The following DNAAF5 variants were observed in gnomAD, a reference collection of about 807,000 sequenced individuals.
The protein encoded by DNAAF5 is dynein axonemal assembly factor 5.
Under a neutral mutation model 75.8 loss-of-function variants are expected in DNAAF5, and 64 were observed. That is an observed-to-expected ratio of 0.84 (90% confidence interval 0.69 to 1.04). The LOEUF (loss-of-function observed/expected upper bound fraction) is 1.04. Among genes scored for constraint, DNAAF5 ranks in the 50% least tolerant of loss-of-function variants. The probability of loss-of-function intolerance (pLI) is 0.00; values close to 1 mark genes in which losing one functional copy is unlikely to be tolerated. For synonymous variants in DNAAF5, 657 were observed against 557.2 expected (o/e 1.18, Z -2.52); for missense variants, 1,269 against 1,178.5 (o/e 1.08, Z -1.12).
chr7:754,826 G>A lies in DNAAF5; in HGVS notation c.1257+5G>A. ...GAGGCAGCCGTGGTCCAAAGTGTAA[G>A]TGGCCGTATTCCAGTCGTGGTCGCG... On this transcript the variant is annotated splice_donor_5th_base_variant and intron_variant, in intron 5 of 12. Transcript: ENST00000297440. The surrounding 1 kb of genome is among the most constrained non-coding windows in gnomAD (Gnocchi z 4.8). 6.3e-7 allele frequency: 1 copy of A among 1,595,854 alleles called. No homozygotes were observed. Among genetic ancestry groups the A allele is most frequent in the Non-Finnish European group, 8.6e-7 (1 of 1,167,684 alleles).
rs1171107598 is a variant in DNAAF5, at chr7:727,022, A to T, written c.302A>T (p.Asp101Val). Residue 101 changes from aspartate (D) to valine (V), a missense_variant, in exon 1 of 13, where the codon GAT becomes GTT. Transcript: ENST00000297440. ...GCRALAVHLL[D>V]LGLRRAARPR... ...CGCGCGCTGGCAGTGCACCTGCTGG[A>T]TCTGGGCCTGCGCCGCGCCGCGCGG... 8.4e-7 allele frequency: 1 copy of T among 1,190,816 alleles called. No individual in the cohort carries two copies. Among genetic ancestry groups the T allele is most frequent in the African/African-American group, 1.6e-5 (1 of 61,392 alleles). The allele number at this position is 1,190,816 out of a possible 1,614,324, so 73.8% of individuals were successfully genotyped here.
At chr7:778,207 CTT>C (rs752105757) in intron 11 of DNAAF5, 2 of 152,214 alleles carry the variant, frequency 1.3e-5, no homozygotes, top group African/African-American at 2.4e-5. Context: ...AATTCACTCA[CTT>C]TTTAAAACAG....
chr7:779,128 G>A (rs1354622537), intron 11 of DNAAF5, among the ~76,000 whole-genome samples: 1 of 152,236 alleles, frequency 6.6e-6, no homozygotes, highest in Non-Finnish European at 1.5e-5. Context: ...CATGCCTTTC[G>A]TTACATAGGA....
rs185681622 is a variant in DNAAF5, at chr7:742,076, T to A, written c.1024+611T>A. On this transcript the variant is annotated intron_variant, in intron 4 of 12. Transcript: ENST00000297440. ...GGTCTGGCTGAGTCTGAGTGGAGGC[T>A]CCCAGGTCCAGCCCCAACACATTTG... Among the ~76,000 whole-genome samples, 957 of 152,222 alleles carry A rather than the reference T, an allele frequency of 6.3e-3. 4 individuals are homozygous for A. The highest frequency in any genetic ancestry group is 0.024 in the South Asian group (116 of 4,818).
intron 4 of DNAAF5, chr7:750,750 C>A (rs1782267129): frequency 1.2e-5 from 2 of 161,656 alleles, no homozygotes; most frequent in Non-Finnish European, 1.5e-5. Context: ...CCAGCACCGG[C>A]CAGTATTTCT....
intron 10 of DNAAF5, among the ~76,000 whole-genome samples, chr7:774,473 G>A (rs1433874610): frequency 6.6e-6 from 1 of 152,218 alleles, no homozygotes; most frequent in Non-Finnish European, 1.5e-5. Flanking sequence ...ATGAGCGTGC[G>A]GTTTCTCGGT....
chr7:739,650 T>C (rs1583480925), intron 2 of DNAAF5, among the ~76,000 whole-genome samples: 1 of 152,296 alleles, frequency 6.6e-6, no homozygotes, highest in East Asian at 1.9e-4. Context: ...GCAACGGGCC[T>C]CTCCTTGTGT....
chr7:781,909 C>G (rs566148599), intron 12 of DNAAF5, among the ~76,000 whole-genome samples: 3 of 152,236 alleles, frequency 2.0e-5, no homozygotes, highest in African/African-American at 7.2e-5. Flanking sequence ...GGCGGCGGTT[C>G]TAAGATACAG....
intron 2 of DNAAF5, among the ~76,000 whole-genome samples, chr7:739,104 C>CAGGCTTTGCAGCATCTCAGCACATGG (rs1562377092): frequency 2.7e-4 from 15 of 54,624 alleles, no homozygotes; most frequent in East Asian, 1.0e-3. Flanking sequence ...GCCCTCTGCC[C>CAGGCTTTGCAGCATCTCAGCACATGG]CATCACTGTA....
Position 727,134 on chromosome 7 carries a change from T to G in DNAAF5, c.414T>G (p.Cys138Trp). 8.3e-7 allele frequency: 1 copy of G among 1,211,582 alleles called. No homozygotes were observed. The highest frequency in any genetic ancestry group is 1.0e-6 in the Non-Finnish European group (1 of 973,320). 75.1% of individuals were successfully genotyped at this position (1,211,582 alleles called of 1,614,324 possible). ...PVPARRPPEACEELRLALVQL... is the reference protein window; with the variant it reads ...PVPARRPPEAWEELRLALVQL... ...CCGCGCGCCGCCCGCCCGAGGCCTG[T>G]GAGGAGCTGCGCCTGGCGCTTGTGC... The change falls in exon 1 of 13, where the codon TGT (cysteine) becomes TGG (tryptophan). Residue 138 changes from cysteine (C) to tryptophan (W), a missense_variant. By Grantham distance (215) the Cys-to-Trp change is radical. Transcript: ENST00000297440.
At chr7:753,614 T>C (rs1782377496) in intron 4 of DNAAF5, among the ~76,000 whole-genome samples, 2 of 151,414 alleles carry the variant, frequency 1.3e-5, no homozygotes, top group South Asian at 2.1e-4. Flanking sequence ...TCTCATCATA[T>C]GGGGACGGCT....
At chr7:733,243 C>T (rs571641486) in intron 2 of DNAAF5, among the ~76,000 whole-genome samples, 4 of 152,178 alleles carry the variant, frequency 2.6e-5, no homozygotes, top group Admixed American at 2.6e-4. Flanking sequence ...TTGTTTTTGT[C>T]TTGTTTTGTT....
intron 4 of DNAAF5, among the ~76,000 whole-genome samples, chr7:747,202 T>G (rs1434231812): frequency 6.6e-6 from 1 of 152,250 alleles, no homozygotes; most frequent in Non-Finnish European, 1.5e-5. Flanking sequence ...ACACACTGTT[T>G]TCCACACCCT....
Position 774,561 on chromosome 7 carries a change from A to AGGC in DNAAF5, c.2082+363_2082+364insGGC, listed in dbSNP as rs760244011. 7.0e-3 allele frequency among the ~76,000 whole-genome samples: 437 copies of AGGC among 62,226 alleles called. 1 individual carries two copies. The highest frequency in any genetic ancestry group is 9.9e-3 in the Non-Finnish European group (261 of 26,354). 40.8% of individuals were successfully genotyped at this position (62,226 alleles called of 152,430 possible). ...CAGAGGACGGGCCTGGGCTTTCCGCATCGTTTCTATGAACACCTCCGGCTG... is the reference window on the plus strand; with the variant it reads ...CAGAGGACGGGCCTGGGCTTTCCGCAGGCTCGTTTCTATGAACACCTCCGGCTG... On this transcript the variant is annotated intron_variant, in intron 10 of 12. Coordinates refer to ENST00000297440, the MANE Select transcript of DNAAF5 (RefSeq NM_017802.4).
Position 740,815 on chromosome 7 carries a change from G to A in DNAAF5, c.781-4G>A, listed in dbSNP as rs1408487084. The A allele has an allele frequency of 1.4e-5, 23 of 1,613,392 alleles. No homozygotes were observed. In the East Asian group the frequency reaches 1.6e-4, roughly 11 times the overall value. On this transcript the variant is annotated splice_polypyrimidine_tract_variant and splice_region_variant and intron_variant, in intron 2 of 12. Transcript: ENST00000297440. ...GAATCCTTATCCCTTCCTCTCATGC[G>A]CAGGTCCGGCGGGCGGTGGCCTCCG...
chr7:784,688 C>T (rs1271055574), intron 12 of DNAAF5, among the ~76,000 whole-genome samples: 1 of 152,194 alleles, frequency 6.6e-6, no homozygotes, highest in African/African-American at 2.4e-5. Context: ...CCGGCTGTGT[C>T]GGTGATGCCT....
intron 4 of DNAAF5, among the ~76,000 whole-genome samples, chr7:746,727 G>A (rs571381033): frequency 1.8e-4 from 26 of 141,512 alleles, no homozygotes; most frequent in African/African-American, 5.5e-4. Context: ...CCCTTCCCCC[G>A]GGACCACGCT....
At chr7:739,084 TCTCA>T (rs1235831157) in intron 2 of DNAAF5, among the ~76,000 whole-genome samples, 24 of 139,806 alleles carry the variant, frequency 1.7e-4, no homozygotes, top group Non-Finnish European at 3.2e-4. Context: ...GTCTGGCTTG[TCTCA>T]GCCACGCCCT....
Position 733,805 on chromosome 7 carries a change from A to G in DNAAF5, c.780+3958A>G, listed in dbSNP as rs564275583. Among the ~76,000 whole-genome samples the G allele has an allele frequency of 2.0e-5, 3 of 152,216 alleles. No homozygotes were observed. The East Asian group carries it at 5.8e-4, about 29-fold the overall frequency. ...CACTGCGCCTGGCCTTATAGTTTTC[A>G]TTGTAGAGATCTTTCACTTCTTTGG... is the stretch of plus-strand genomic sequence containing the variant. On this transcript the variant is annotated intron_variant, in intron 2 of 12. Coordinates refer to ENST00000297440, the MANE Select transcript of DNAAF5 (RefSeq NM_017802.4).
Sources: gnomAD v4.1 joint callset for allele counts (sites outside exome capture counted in the v4.1 genomes callset) on GRCh38, gnomAD v4.1.1 for gene constraint, Gnocchi (gnomAD v3.1) non-coding constraint, MANE v1.5 for transcripts, NCBI Gene and HGNC (gene_info 2026-07-23, HGNC 2026-07-21) for gene names.